The following MTUS2 variants were observed in gnomAD, a reference collection of about 807,000 sequenced individuals.
MTUS2 encodes the protein microtubule associated scaffold protein 2.
A neutral mutation model predicts 114.1 loss-of-function variants in MTUS2; 40 were observed. The observed-to-expected ratio is 0.35, with a 90% CI of 0.27 to 0.46. The LOEUF is 0.46. Among genes scored for constraint, MTUS2 ranks in the 20% least tolerant of loss-of-function variants. MTUS2 has a pLI of 1.00. For missense variants in MTUS2, 1,679 were observed against 1,705.4 expected, an observed-to-expected ratio of 0.98 and a Z score of 0.27; for synonymous variants, 688 against 672.0, an observed-to-expected ratio of 1.02 and a Z score of -0.37.
At chr13:29,131,551 G>A in intron 5 of MTUS2, among the ~76,000 whole-genome samples, 1 of 152,280 alleles carries the variant, frequency 6.6e-6, no homozygotes, top group East Asian at 1.9e-4. Flanking sequence ...CAATGGTGGG[G>A]CAGAGGCATT....
At chr13:29,488,521 A>G (rs1160304664) in intron 11 of MTUS2, among the ~76,000 whole-genome samples, 1 of 147,290 alleles carries the variant, frequency 6.8e-6, no homozygotes. Context: ...GCTCACTGAA[A>G]CTTCTGCCTC....
intron 2 of MTUS2, among the ~76,000 whole-genome samples, chr13:28,998,444 C>T (rs1885221421): frequency 6.6e-6 from 1 of 152,180 alleles, no homozygotes; most frequent in South Asian, 2.1e-4. Flanking sequence ...GCCTGCCTTG[C>T]TAGATTGGGG....
Position 29,128,791 on chromosome 13 carries a change from CTG to C in MTUS2, c.2644+27824_2644+27825del, listed in dbSNP as rs1346062508. On this transcript the variant is annotated intron_variant, in intron 5 of 15. Coordinates refer to ENST00000612955, the MANE Select transcript of MTUS2 (RefSeq NM_001033602.4). ...GTTGCCTTCAACTGTATTCCTCACT[CTG>C]TGCCTACTTTCAGTTTTGATCCATG... Among the ~76,000 whole-genome samples the C allele has an allele frequency of 8.5e-5, 13 of 152,270 alleles. No homozygotes were observed. The East Asian group carries it at 2.3e-3, about 27-fold the overall frequency.
chr13:29,406,484 G>T (rs1566183547), intron 8 of MTUS2, among the ~76,000 whole-genome samples: 1 of 152,154 alleles, frequency 6.6e-6, no homozygotes, highest in Non-Finnish European at 1.5e-5. Flanking sequence ...TTTCCCTAGG[G>T]CTTCCCTCAC....
In MTUS2 at chr13:28,822,123, C is replaced by T. The variant is rs184197382; in HGVS notation, c.-316+1512C>T. ...TTACTATAAACTAGTAAATTAAGTG[C>T]AAAAAGTTTTTATTGTTTTTAAGGT... On this transcript the variant is annotated intron_variant, in intron 1 of 15. Coordinates refer to ENST00000612955, the MANE Select transcript of MTUS2 (RefSeq NM_001033602.4). Among the ~76,000 whole-genome samples, 375 of 152,244 alleles carry T rather than the reference C, an allele frequency of 2.5e-3. 2 individuals are homozygous for T. Among genetic ancestry groups the T allele is most frequent in the African/African-American group, 8.7e-3 (363 of 41,542 alleles).
chr13:29,330,034 C>T (rs577295725), intron 7 of MTUS2, among the ~76,000 whole-genome samples: 1 of 152,310 alleles, frequency 6.6e-6, no homozygotes, highest in East Asian at 1.9e-4. Context: ...TTGTCTTCCA[C>T]AATGGTTGAA....
At chr13:29,147,142 T>C (rs1032157635) in intron 5 of MTUS2, among the ~76,000 whole-genome samples, 4 of 152,214 alleles carry the variant, frequency 2.6e-5, no homozygotes, top group African/African-American at 9.6e-5. Flanking sequence ...CACATTTTTT[T>C]TTAACCATCA....
rs1353820004 is a variant in MTUS2 at position 29,505,209 on chromosome 13, G to A, written c.*2003G>A. ...GGCACAACCTGCAAACACAAATTCA[G>A]TTACAGCTTAGCTGTCCGAATTAGG... On this transcript the variant is annotated 3_prime_UTR_variant, in exon 16 of 16. Transcript: ENST00000612955. 4.3e-6 allele frequency: 1 copy of A among 231,946 alleles called. No homozygotes were observed. The highest frequency in any genetic ancestry group is 8.5e-6 in the Non-Finnish European group (1 of 117,064). The allele number at this position is 231,946 out of a possible 1,614,324, so 14.4% of individuals were successfully genotyped here.
intron 2 of MTUS2, among the ~76,000 whole-genome samples, chr13:29,013,883 C>T (rs1380728132): frequency 6.6e-6 from 1 of 152,258 alleles, no homozygotes; most frequent in Non-Finnish European, 1.5e-5. Context: ...CTTACCATTA[C>T]ATGGTACTTC....
chr13:29,485,359 A>G (rs188851997), intron 10 of MTUS2: 1 of 152,782 alleles, frequency 6.5e-6, no homozygotes, highest in East Asian at 1.9e-4. Flanking sequence ...GATTAATACT[A>G]TGACAAGAAA....
chr13:29,218,655 A>G (rs1895779718), intron 5 of MTUS2, among the ~76,000 whole-genome samples: 1 of 152,248 alleles, frequency 6.6e-6, no homozygotes, highest in Admixed American at 6.5e-5. Flanking sequence ...GTTAGCAGAC[A>G]TGAAAATAAG....
chr13:29,124,828 A>T (rs544885957), intron 5 of MTUS2, among the ~76,000 whole-genome samples: 1 of 152,350 alleles, frequency 6.6e-6, no homozygotes, highest in African/African-American at 2.4e-5. Context: ...AATAAGCCAG[A>T]CACAAAGGAC....
intron 8 of MTUS2, among the ~76,000 whole-genome samples, chr13:29,367,656 G>A (rs529014637): frequency 3.2e-4 from 48 of 152,290 alleles, no homozygotes; most frequent in African/African-American, 1.1e-3. Flanking sequence ...AGAGCCTGAG[G>A]CTGTGAACCT....
At chr13:29,194,051 C>A (rs941313884) in intron 5 of MTUS2, among the ~76,000 whole-genome samples, 23 of 150,990 alleles carry the variant, frequency 1.5e-4, no homozygotes, top group African/African-American at 5.3e-4. Context: ...ATGTAGAAAG[C>A]TGAAACTGGA....
At chr13:29,185,654 A>G (rs1894193660) in intron 5 of MTUS2, among the ~76,000 whole-genome samples, 1 of 152,238 alleles carries the variant, frequency 6.6e-6, no homozygotes, top group Non-Finnish European at 1.5e-5. Context: ...TGCTCAAAGA[A>G]TAACCTATCA....
At chr13:29,357,263 C>T (rs1324158595) in intron 7 of MTUS2, among the ~76,000 whole-genome samples, 2 of 152,152 alleles carry the variant, frequency 1.3e-5, no homozygotes, top group Non-Finnish European at 2.9e-5. Context: ...ATAAATCTAA[C>T]AGCCAAAAAT....
At chr13:29,177,636 G>A (rs913121748) in intron 5 of MTUS2, among the ~76,000 whole-genome samples, 1 of 152,064 alleles carries the variant, frequency 6.6e-6, no homozygotes, top group Non-Finnish European at 1.5e-5. Context: ...TAAATTTTAG[G>A]GTGAGCAAAG....
intron 2 of MTUS2, among the ~76,000 whole-genome samples, chr13:28,969,796 C>A (rs1362179267): frequency 2.0e-5 from 2 of 101,500 alleles, no homozygotes; most frequent in South Asian, 3.6e-4. Flanking sequence ...AGCCACTGCG[C>A]CCGGCTGAAG....
At chr13:29,490,631 T>C (rs1881993813) in intron 11 of MTUS2, among the ~76,000 whole-genome samples, 1 of 152,288 alleles carries the variant, frequency 6.6e-6, no homozygotes, top group Admixed American at 6.5e-5. Context: ...CAAGTAGTTC[T>C]TCCTTGCATC....
Sources: gnomAD v4.1 joint callset for allele counts (sites outside exome capture counted in the v4.1 genomes callset) on GRCh38, gnomAD v4.1.1 for gene constraint, MANE v1.5 for transcripts, NCBI Gene and HGNC (gene_info 2026-07-23, HGNC 2026-07-21) for gene names.